The following F2R variants were observed in gnomAD, a reference collection of about 807,000 sequenced individuals.
F2R encodes coagulation factor II thrombin receptor.
F2R carries 12 observed loss-of-function variants against 18.3 expected under a neutral mutation model. That is an observed-to-expected ratio of 0.66 (90% CI 0.42 to 1.06). The LOEUF is 1.06. F2R is among the 50% of genes least tolerant of loss of function. F2R has a pLI of 0.00. For synonymous variants in F2R, 210 were observed against 219.9 expected (o/e 0.95, Z 0.40); for missense variants, 438 against 530.8 (o/e 0.83, Z 1.72).
rs143038729 is a variant in F2R at position 76,732,642 on chromosome 5, G to A, written c.417G>A (p.Val139=). 319 of 1,614,164 alleles carry A rather than the reference G, an allele frequency of 2.0e-4. 1 individual carries two copies. The highest frequency in any genetic ancestry group is 2.6e-4 in the Non-Finnish European group (308 of 1,180,034). ...LKMKVKKPAV[V]YMLHLATADV... ...TGAAGGTCAAGAAGCCGGCGGTGGT[G>A]TACATGCTGCACCTGGCCACGGCAG... The change falls in exon 2 of 2, where the codon GTG becomes GTA. Residue 139 remains valine (V), a synonymous_variant. Coordinates refer to ENST00000319211, the MANE Select transcript of F2R (RefSeq NM_001992.5).
At chr5:76,716,481 C>T in intron 1 of F2R, 86 bp downstream of exon 1, 1 of 1,167,666 alleles carries the variant, frequency 8.6e-7, no homozygotes, top group Non-Finnish European at 1.2e-6. Context: ...TCTCCTCACC[C>T]CTGCCTCAGT....
intron 1 of F2R, among the ~76,000 whole-genome samples, chr5:76,731,758 G>C (rs1439983192): frequency 3.9e-5 from 6 of 152,036 alleles, no homozygotes; most frequent in Non-Finnish European, 8.8e-5. Flanking sequence ...TTGAACTCCT[G>C]ACCTTGTGAT....
rs542137922 is a variant in F2R at position 76,728,793 on chromosome 5, C to G, written c.89-3521C>G. ...GCAACCTCCGCCTCCTGCGTTCAAGCAATTCTCCTGCCTCAGCCTCCCGAG... is the reference window on the plus strand; with the variant it reads ...GCAACCTCCGCCTCCTGCGTTCAAGGAATTCTCCTGCCTCAGCCTCCCGAG... On this transcript the variant is annotated intron_variant, in intron 1 of 1. Transcript: ENST00000319211. 6.8e-5 allele frequency among the ~76,000 whole-genome samples: 10 copies of G among 147,810 alleles called. No homozygotes were observed. The South Asian group carries it at 2.2e-3, about 32-fold the overall frequency.
chr5:76,732,808 G>T lies in F2R; in HGVS notation c.583G>T (p.Val195Phe), dbSNP rs1005319134. The T allele has an allele frequency of 2.5e-6, 4 of 1,614,068 alleles. No homozygotes were observed. In the Admixed American group the frequency reaches 5.0e-5, roughly 20 times the overall value. The change falls in exon 2 of 2, where the codon GTC becomes TTC. Residue 195 changes from valine (V) to phenylalanine (F), a missense_variant. By Grantham distance (50) the Val-to-Phe change is conservative. Transcript: ENST00000319211. ...NMYASILLMTVISIDRFLAVV... is the reference protein window; with the variant it reads ...NMYASILLMTFISIDRFLAVV... ...GTACGCCTCTATCTTGCTCATGACA[G>T]TCATAAGCATTGACCGGTTTCTGGC... is the stretch of plus-strand genomic sequence containing the variant.
chr5:76,716,485 C>A, intron 1 of F2R, 90 bp downstream of exon 1: 2 of 1,121,736 alleles, frequency 1.8e-6, no homozygotes, highest in Middle Eastern at 2.0e-4. Flanking sequence ...CTCACCCCTG[C>A]CTCAGTTTCC....
At chr5:76,717,095 C>T (rs1199430820) in intron 1 of F2R, among the ~76,000 whole-genome samples, 1 of 152,222 alleles carries the variant, frequency 6.6e-6, no homozygotes, top group East Asian at 1.9e-4. Flanking sequence ...GGACCGGGCT[C>T]CCTCGAACAC....
At chr5:76,721,578 A>G (rs1222573400) in intron 1 of F2R, among the ~76,000 whole-genome samples, 1 of 152,246 alleles carries the variant, frequency 6.6e-6, no homozygotes, top group South Asian at 2.1e-4. Flanking sequence ...TATGTAATCT[A>G]TTTATATTTC....
In F2R at chr5:76,730,402, AC is replaced by A. The variant is rs761438998; in HGVS notation, c.89-1911del. ...TCTGGTTCTGTAGGCCAAAAAGACTACGGATTTTCTATCTGGGTTTTAGTCA... is the reference window on the plus strand; with the variant it reads ...TCTGGTTCTGTAGGCCAAAAAGACTAGGATTTTCTATCTGGGTTTTAGTCA... On this transcript the variant is annotated intron_variant, in intron 1 of 1. Transcript: ENST00000319211. Among the ~76,000 whole-genome samples the A allele has an allele frequency of 4.2e-4, 64 of 152,322 alleles. 1 individual carries two copies. The highest frequency in any genetic ancestry group is 6.8e-3 in the Middle Eastern group (2 of 294).
chr5:76,722,054 GTTGTTTATTA>G (rs1205441482), intron 1 of F2R, among the ~76,000 whole-genome samples: 2 of 152,186 alleles, frequency 1.3e-5, no homozygotes, highest in African/African-American at 4.8e-5. Context: ...TCCTGGAACT[GTTGTTTATTA>G]TTGTTCTTAT....
At position 76,733,762 on chromosome 5, in the gene F2R, C is replaced by G. The variant is rs1748729936; in HGVS notation, c.*259C>G. 2 of 475,732 alleles carry G rather than the reference C, an allele frequency of 4.2e-6. No homozygotes were observed. The highest frequency in any genetic ancestry group is 7.5e-6 in the Non-Finnish European group (2 of 265,074). The allele number at this position is 475,732 out of a possible 1,614,324, so 29.5% of individuals were successfully genotyped here. Reference sequence around the variant, plus strand: ...AAATGAATGTCACTTCTGGATATAGCTAGGTGACATATACATACTTACATG... The same window carrying G: ...AAATGAATGTCACTTCTGGATATAGGTAGGTGACATATACATACTTACATG... On this transcript the variant is annotated 3_prime_UTR_variant, in exon 2 of 2. Transcript: ENST00000319211.
Position 76,733,533 on chromosome 5 carries a change from A to G in F2R, c.*30A>G. ...AGGGACTGCTGGGAGGTTAAAAAGA[A>G]AAGTTTATAAAAGTGAATAACCTGA... On this transcript the variant is annotated 3_prime_UTR_variant, in exon 2 of 2. Coordinates refer to ENST00000319211, the MANE Select transcript of F2R (RefSeq NM_001992.5). 1 of 1,519,454 alleles carries G rather than the reference A, an allele frequency of 6.6e-7. No homozygotes were observed. Among genetic ancestry groups the G allele is most frequent in the Non-Finnish European group, 8.9e-7 (1 of 1,126,160 alleles). 94.1% of individuals were successfully genotyped at this position (1,519,454 alleles called of 1,614,324 possible). A position where few individuals can be genotyped will look rare whatever the true frequency, so the allele number is the denominator to read the frequency against.
chr5:76,716,480 C>A lies in F2R; in HGVS notation c.88+85C>A, dbSNP rs574008403. On this transcript the variant is annotated intron_variant, in intron 1 of 1. Coordinates refer to ENST00000319211, the MANE Select transcript of F2R (RefSeq NM_001992.5). ...GGTCACTGTTGCGCCTTCTCCTCACCCCTGCCTCAGTTTCCTCCGAAAGCC... is the reference window on the plus strand; with the variant it reads ...GGTCACTGTTGCGCCTTCTCCTCACACCTGCCTCAGTTTCCTCCGAAAGCC... 5.1e-6 allele frequency: 6 copies of A among 1,174,394 alleles called. No homozygotes were observed. The South Asian group carries it at 1.0e-4, about 20-fold the overall frequency. 72.7% of individuals were successfully genotyped at this position (1,174,394 alleles called of 1,614,324 possible). A position where few individuals can be genotyped will look rare whatever the true frequency, so the allele number is the denominator to read the frequency against.
chr5:76,734,989 A>G lies in F2R; in HGVS notation c.*1486A>G, dbSNP rs1030930229. The G allele has an allele frequency of 2.0e-5, 3 of 152,358 alleles. No homozygotes were observed. Among genetic ancestry groups the G allele is most frequent in the East Asian group, 1.9e-4 (1 of 5,332 alleles). 9.4% of individuals were successfully genotyped at this position (152,358 alleles called of 1,614,324 possible). ...ATTGACATTGAAATCTAGGAAAATT[A>G]TTCTATAATTTCCATTTACTTAAGA... On this transcript the variant is annotated 3_prime_UTR_variant, in exon 2 of 2. Coordinates refer to ENST00000319211, the MANE Select transcript of F2R (RefSeq NM_001992.5).
intron 1 of F2R, among the ~76,000 whole-genome samples, chr5:76,718,318 A>C (rs914727041): frequency 6.6e-6 from 1 of 152,198 alleles, no homozygotes; most frequent in African/African-American, 2.4e-5. Context: ...AAATCAACCC[A>C]AGATAGGTTT....
At chr5:76,725,690 A>G (rs1170355590) in intron 1 of F2R, among the ~76,000 whole-genome samples, 3 of 152,088 alleles carry the variant, frequency 2.0e-5, no homozygotes, top group African/African-American at 7.2e-5. Flanking sequence ...AACCCATAGT[A>G]TCAAGAAAAG....
At position 76,716,293 on chromosome 5, in the gene F2R, G is replaced by C. The variant is rs921454409; in HGVS notation, c.-15G>C. The C allele has an allele frequency of 6.1e-5, 83 of 1,362,352 alleles. No homozygotes were observed. Among genetic ancestry groups the C allele is most frequent in the Non-Finnish European group, 5.7e-5 (61 of 1,063,450 alleles). The allele number at this position is 1,362,352 out of a possible 1,614,324, so 84.4% of individuals were successfully genotyped here. On this transcript the variant is annotated 5_prime_UTR_variant, in exon 1 of 2. Transcript: ENST00000319211. ...GGGCAGCCTCCCGGAGCAGCGCCGC[G>C]CAGAGCCCGGGACAATGGGGCCGCG... is the stretch of plus-strand genomic sequence containing the variant.
chr5:76,728,248 A>G (rs1382790757), intron 1 of F2R, among the ~76,000 whole-genome samples: 2 of 152,196 alleles, frequency 1.3e-5, no homozygotes, highest in African/African-American at 4.8e-5. Context: ...ACACATTGTT[A>G]TTAACTATAG....
Position 76,732,723 on chromosome 5 carries a change from T to C in F2R, c.498T>C (p.Ser166=). 6.2e-7 allele frequency: 1 copy of C among 1,614,206 alleles called. No individual in the cohort carries two copies. The highest frequency in any genetic ancestry group is 1.1e-5 in the South Asian group (1 of 91,080). ...PFKISYYFSG[S]DWQFGSELCR... ...AGATCAGCTATTACTTTTCCGGCAG[T>C]GATTGGCAGTTTGGGTCTGAATTGT... The change falls in exon 2 of 2, where the codon AGT becomes AGC. Residue 166 remains serine, a synonymous_variant. Transcript: ENST00000319211.
Position 76,733,173 on chromosome 5 carries a change from T to C in F2R, c.948T>C (p.Ala316=). ...AGTCCCGGGCTTTGTTCCTGTCAGC[T>C]GCTGTTTTCTGCATCTTCATCATTT... The part of the protein sequence containing the change: ...SKKSRALFLS[A]AVFCIFIICF... Residue 316 remains alanine, a synonymous_variant, in exon 2 of 2, where the codon GCT becomes GCC. Transcript: ENST00000319211. The C allele has an allele frequency of 1.9e-6, 3 of 1,614,222 alleles. No individual in the cohort carries two copies. The highest frequency in any genetic ancestry group is 1.7e-6 in the Non-Finnish European group (2 of 1,180,036).
Sources: gnomAD v4.1 joint callset for allele counts (sites outside exome capture counted in the v4.1 genomes callset) on GRCh38, gnomAD v4.1.1 for gene constraint, MANE v1.5 for transcripts, NCBI Gene and HGNC (gene_info 2026-07-23, HGNC 2026-07-21) for gene names.